TOP6BL: variants seen among roughly 807,000 people sequenced by gnomAD.
TOP6BL encodes the protein type 2 DNA topoisomerase 6 subunit B-like.
the TOP6BL span, among the ~76,000 whole-genome samples, chr11:66,782,283 CA>C: frequency 6.6e-6 from 1 of 152,124 alleles, no homozygotes; most frequent in African/African-American, 2.4e-5. Flanking sequence ...GCCTGAAGGC[CA>C]ACATTTTTCA....
the TOP6BL span, among the ~76,000 whole-genome samples, chr11:66,813,387 G>A: frequency 6.6e-6 from 1 of 152,112 alleles, no homozygotes; most frequent in African/African-American, 2.4e-5. Context: ...GGGGATCCTA[G>A]TGGATCTATC....
chr11:66,797,795 A>C, the TOP6BL span, among the ~76,000 whole-genome samples: 1 of 152,210 alleles, frequency 6.6e-6, no homozygotes, highest in Non-Finnish European at 1.5e-5. Context: ...GTGAGCCATC[A>C]TCATGCCTGG....
At chr11:66,746,896 T>A in the TOP6BL span, among the ~76,000 whole-genome samples, 2 of 151,902 alleles carry the variant, frequency 1.3e-5, no homozygotes, top group Non-Finnish European at 2.9e-5. Flanking sequence ...CCCCCAAAAA[T>A]AAATGAAATA....
the TOP6BL span, chr11:66,822,510 T>C: frequency 4.1e-6 from 5 of 1,234,176 alleles, no homozygotes; most frequent in Non-Finnish European, 5.8e-6. Context: ...TGGGATTCTC[T>C]AAACCACATC....
At chr11:66,773,193 A>G in the TOP6BL span, among the ~76,000 whole-genome samples, 1 of 151,288 alleles carries the variant, frequency 6.6e-6, no homozygotes, top group Non-Finnish European at 1.5e-5. Context: ...CCTCAGATTC[A>G]GGACTATAGG....
At chr11:66,789,497 C>G in the TOP6BL span, among the ~76,000 whole-genome samples, 1 of 152,128 alleles carries the variant, frequency 6.6e-6, no homozygotes, top group African/African-American at 2.4e-5. Context: ...GGTATCAGGA[C>G]AACAGATATC....
At chr11:66,823,377 ATTACT>A in the TOP6BL span, among the ~76,000 whole-genome samples, 3 of 152,048 alleles carry the variant, frequency 2.0e-5, no homozygotes, top group African/African-American at 7.2e-5. Context: ...TTTTAGAAAC[ATTACT>A]TTATTTGCTC....
chr11:66,843,430 T>C, the TOP6BL span: 10 of 1,389,946 alleles, frequency 7.2e-6, no homozygotes, highest in Admixed American at 1.1e-4. Flanking sequence ...ACTGCGTCAC[T>C]GGTGCGCGCC....
chr11:66,837,203 T>C, the TOP6BL span, among the ~76,000 whole-genome samples: 1 of 152,058 alleles, frequency 6.6e-6, no homozygotes, highest in African/African-American at 2.4e-5. Flanking sequence ...CTTGGCTCAC[T>C]GCAAGCTCTG....
At chr11:66,816,059 T>C in the TOP6BL span, 2 of 1,597,768 alleles carry the variant, frequency 1.3e-6, no homozygotes, top group South Asian at 2.3e-5. Flanking sequence ...CTAGATTTGG[T>C]GCTTCCAGAT....
the TOP6BL span, chr11:66,756,500 T>C: frequency 9.4e-7 from 1 of 1,060,792 alleles, no homozygotes; most frequent in Non-Finnish European, 1.2e-6. Flanking sequence ...GCCTGGCTAA[T>C]TATGGGTGAG....
At chr11:66,780,263 G>C in the TOP6BL span, among the ~76,000 whole-genome samples, 1 of 152,012 alleles carries the variant, frequency 6.6e-6, no homozygotes, top group Non-Finnish European at 1.5e-5. Flanking sequence ...TGCCTTATGA[G>C]ATTATTTTTG....
the TOP6BL span, among the ~76,000 whole-genome samples, chr11:66,750,334 G>C: frequency 1.3e-5 from 2 of 152,082 alleles, no homozygotes; most frequent in Non-Finnish European, 2.9e-5. Context: ...GATCACATGA[G>C]GTCAGGGGTT....
At chr11:66,835,590 C>T in the TOP6BL span, among the ~76,000 whole-genome samples, 1 of 152,220 alleles carries the variant, frequency 6.6e-6, no homozygotes. Context: ...TCCCTTCAAC[C>T]CCTGGCAACC....
chr11:66,814,554 C>A, the TOP6BL span, among the ~76,000 whole-genome samples: 25 of 152,084 alleles, frequency 1.6e-4, no homozygotes, highest in Non-Finnish European at 3.1e-4. Context: ...TGAGCCACCG[C>A]ACCCGGCCTG....
At chr11:66,843,357 C>CGGGCG in the TOP6BL span, 900 of 1,455,370 alleles carry the variant, frequency 6.2e-4, no homozygotes, top group East Asian at 5.3e-3. Flanking sequence ...GCGTCGGGCC[C>CGGGCG]GGGCGGGGCG....
the TOP6BL span, among the ~76,000 whole-genome samples, chr11:66,786,541 T>TC: frequency 4.6e-5 from 7 of 150,676 alleles, no homozygotes; most frequent in Non-Finnish European, 1.0e-4. Flanking sequence ...GAAATTGATT[T>TC]CCCCCCAAAT....
At chr11:66,787,950 G>C in the TOP6BL span, among the ~76,000 whole-genome samples, 1 of 152,188 alleles carries the variant, frequency 6.6e-6, no homozygotes, top group Non-Finnish European at 1.5e-5. Flanking sequence ...TTGAAAAGAT[G>C]AGGTTAAATG....
At chr11:66,834,713 C>T in the TOP6BL span, among the ~76,000 whole-genome samples, 1 of 152,056 alleles carries the variant, frequency 6.6e-6, no homozygotes, top group African/African-American at 2.4e-5. Flanking sequence ...CTATGTTGCC[C>T]GGGCTGGAGT....
Sources: allele counts gnomAD v4.1 joint callset (sites outside exome capture counted in the v4.1 genomes callset), GRCh38; gene constraint gnomAD v4.1.1; transcripts MANE v1.5; gene names NCBI Gene and HGNC (gene_info 2026-07-23, HGNC 2026-07-21).